The following RORA variants were observed in gnomAD, a reference collection of about 807,000 sequenced individuals.
RORA encodes RAR related orphan receptor A, also known as nuclear receptor ROR-alpha.
RORA carries 7 observed loss-of-function variants against 69.5 expected under a neutral mutation model. That is an observed-to-expected ratio of 0.10 (90% confidence interval 0.06 to 0.19). The LOEUF (loss-of-function observed/expected upper bound fraction) is 0.19, where lower values mean the gene tolerates loss of function less well. RORA is among the 10% of genes least tolerant of loss of function. The probability of loss-of-function intolerance (pLI) is 1.00; values close to 1 mark genes in which losing one functional copy is unlikely to be tolerated. For synonymous variants in RORA, 261 were observed against 240.8 expected (o/e 1.08, Z -0.78); for missense variants, 457 against 663.0 (o/e 0.69, Z 3.41).
At chr15:61,083,812 C>G (rs891605329) in intron 1 of RORA, among the ~76,000 whole-genome samples, 1 of 151,914 alleles carries the variant, frequency 6.6e-6, no homozygotes, top group Non-Finnish European at 1.5e-5. Flanking sequence ...ACGTAGGCTT[C>G]TCTTGTTTAT....
intron 1 of RORA, among the ~76,000 whole-genome samples, chr15:61,078,528 A>G (rs1309776566): frequency 6.6e-6 from 1 of 152,194 alleles, no homozygotes; most frequent in Non-Finnish European, 1.5e-5. Context: ...AGGTTCTGCC[A>G]TTCAGTACCA....
At chr15:60,942,382 T>C (rs571587453) in intron 1 of RORA, among the ~76,000 whole-genome samples, 59 of 152,330 alleles carry the variant, frequency 3.9e-4, no homozygotes, top group African/African-American at 1.4e-3. Context: ...CAAATTCTGG[T>C]TTGTCAAATT....
chr15:60,815,968 ATT>A (rs1567200679), intron 1 of RORA, among the ~76,000 whole-genome samples: 179 of 128,810 alleles, frequency 1.4e-3, no homozygotes, highest in African/African-American at 4.8e-3. Context: ...TAGTATATGT[ATT>A]TATTTACTAT....
intron 2 of RORA, among the ~76,000 whole-genome samples, chr15:60,549,907 T>A (rs1466309079): frequency 6.6e-6 from 1 of 152,232 alleles, no homozygotes. Flanking sequence ...AAGGACAACA[T>A]AGCTCATTTT....
intron 8 of RORA, among the ~76,000 whole-genome samples, chr15:60,501,560 C>A (rs970171192): frequency 6.6e-6 from 1 of 152,146 alleles, no homozygotes; most frequent in African/African-American, 2.4e-5. Flanking sequence ...GCTAGGCTGA[C>A]TGATTTCAGA....
At chr15:60,875,510 A>G (rs1315892198) in intron 1 of RORA, among the ~76,000 whole-genome samples, 2 of 152,162 alleles carry the variant, frequency 1.3e-5, no homozygotes, top group Admixed American at 6.5e-5. Context: ...GATCTCGGTA[A>G]ATCATGTGAT....
rs117372712 is a variant in RORA, at chr15:60,787,736, C to T, written c.167-109050G>A. On this transcript the variant is annotated intron_variant, in intron 1 of 10. Transcript: ENST00000335670. ...TACAGCTGCCTTTTGGCAAGCCTAT[C>T]ACTGCAATCTACAAGGTGCTATGAG... 8.1e-4 allele frequency among the ~76,000 whole-genome samples: 124 copies of T among 152,334 alleles called. 3 individuals carry two copies. The East Asian group carries it at 0.02, about 25-fold the overall frequency.
intron 5 of RORA, among the ~76,000 whole-genome samples, chr15:60,506,160 C>T (rs2065494202): frequency 6.6e-6 from 1 of 152,198 alleles, no homozygotes; most frequent in Non-Finnish European, 1.5e-5. Flanking sequence ...AAGCCACATA[C>T]TCTGGAGCTA....
intron 1 of RORA, chr15:61,214,132 A>T (rs1258014967): frequency 6.6e-6 from 1 of 152,278 alleles, no homozygotes; most frequent in Non-Finnish European, 1.5e-5. Flanking sequence ...TGTGAATCCA[A>T]TGAGGACTAT....
Position 60,643,583 on chromosome 15 carries a change from C to T in RORA, c.196+35074G>A, listed in dbSNP as rs1264408451. ...CTCCTTTTAATCTGCAGCCTAGGCA[C>T]TATGTTATTTTCTACCTATGCCTTC... On this transcript the variant is annotated intron_variant, in intron 2 of 10. Coordinates refer to ENST00000335670, the MANE Select transcript of RORA (RefSeq NM_134261.3). Among the ~76,000 whole-genome samples the T allele has an allele frequency of 2.6e-5, 4 of 152,164 alleles. No homozygotes were observed. The East Asian group carries it at 7.7e-4, about 29-fold the overall frequency.
intron 1 of RORA, among the ~76,000 whole-genome samples, chr15:61,090,658 G>A (rs546886576): frequency 2.9e-4 from 44 of 152,312 alleles, no homozygotes; most frequent in African/African-American, 1.0e-3. Flanking sequence ...GATGACAGCA[G>A]CCAAAATCCA....
intron 1 of RORA, among the ~76,000 whole-genome samples, chr15:61,056,031 T>C (rs183552612): frequency 1.9e-4 from 29 of 152,338 alleles, no homozygotes; most frequent in Admixed American, 1.4e-3. Context: ...AATATTCAAT[T>C]AATCAGCTAT....
intron 1 of RORA, among the ~76,000 whole-genome samples, chr15:61,142,277 G>T (rs530064392): frequency 6.6e-6 from 1 of 152,050 alleles, no homozygotes; most frequent in African/African-American, 2.4e-5. Context: ...AGCTCCTCTG[G>T]CATCTCTCAA....
At chr15:60,987,538 C>T (rs1365515824) in intron 1 of RORA, among the ~76,000 whole-genome samples, 3 of 152,086 alleles carry the variant, frequency 2.0e-5, no homozygotes, top group African/African-American at 4.8e-5. Context: ...TTCATTATTC[C>T]AGCCAATTAC....
chr15:61,179,011 A>G (rs960390510), intron 1 of RORA, among the ~76,000 whole-genome samples: 10 of 152,144 alleles, frequency 6.6e-5, no homozygotes, highest in Non-Finnish European at 4.4e-5. Flanking sequence ...TCTTTTGTGG[A>G]TTCAAACCAA....
chr15:61,125,288 G>C lies in RORA; in HGVS notation c.166+103765C>G, dbSNP rs549251046. On this transcript the variant is annotated intron_variant, in intron 1 of 10. Coordinates refer to ENST00000335670, the MANE Select transcript of RORA (RefSeq NM_134261.3). Reference sequence around the variant, plus strand: ...ACTGAATGCCCTACACATGTTTATGGAATCTTATGGTGTTTGGGTATTATC... The same window carrying C: ...ACTGAATGCCCTACACATGTTTATGCAATCTTATGGTGTTTGGGTATTATC... 3.3e-3 allele frequency among the ~76,000 whole-genome samples: 503 copies of C among 152,328 alleles called. 1 individual carries two copies. The highest frequency in any genetic ancestry group is 5.9e-3 in the Non-Finnish European group (398 of 68,028).
intron 1 of RORA, among the ~76,000 whole-genome samples, chr15:61,035,770 T>C (rs1479078866): frequency 2.6e-5 from 4 of 152,076 alleles, no homozygotes; most frequent in Non-Finnish European, 4.4e-5. Flanking sequence ...CCAAAGAAGG[T>C]GGATACAAAT....
Position 60,557,700 on chromosome 15 carries a change from A to G in RORA, c.197-25849T>C, listed in dbSNP as rs115290535. Among the ~76,000 whole-genome samples, 646 of 152,324 alleles carry G rather than the reference A, an allele frequency of 4.2e-3. 8 individuals are homozygous for G. The highest frequency in any genetic ancestry group is 0.014 in the African/African-American group (570 of 41,580). On this transcript the variant is annotated intron_variant, in intron 2 of 10. Coordinates refer to ENST00000335670, the MANE Select transcript of RORA (RefSeq NM_134261.3). ...ACTTTCTGGATAGTTCTCTCAAAGA[A>G]TATAATGAAGTAAACCCGAACTTCA...
chr15:60,826,769 CT>C (rs1567204786), intron 1 of RORA, among the ~76,000 whole-genome samples: 1 of 67,464 alleles, frequency 1.5e-5, no homozygotes, highest in Non-Finnish European at 4.0e-5. Context: ...CTCTCTCCCT[CT>C]CTCTCTCTCT....
Sources: allele counts gnomAD v4.1 joint callset (sites outside exome capture counted in the v4.1 genomes callset), GRCh38; gene constraint gnomAD v4.1.1; transcripts MANE v1.5; gene names NCBI Gene and HGNC (gene_info 2026-07-23, HGNC 2026-07-21).